Variants in INSL6 observed in about 807,000 individuals in gnomAD.
INSL6 encodes insulin-like peptide INSL6.
Under a neutral mutation model 9.4 loss-of-function variants are expected in INSL6, and 16 were observed. That is an observed-to-expected ratio of 1.70 (90% CI 1.15 to 2.59). INSL6 has a LOEUF of 2.59. INSL6 is among the 30% of genes most tolerant of loss of function. INSL6 has a pLI of 0.00. For synonymous variants in INSL6, 154 were observed against 96.9 expected (o/e 1.59, Z -3.46); for missense variants, 391 against 257.3 (o/e 1.52, Z -3.56).
At chr9:5,143,814 C>G (rs180805465) in intron 2 of INSL6, among the ~76,000 whole-genome samples, 142 of 152,062 alleles carry the variant, frequency 9.3e-4, no homozygotes, top group East Asian at 2.7e-3. Flanking sequence ...CACCCACCCC[C>G]ACACCCTGCT....
chr9:5,068,634 G>A, the INSL6 span, among the ~76,000 whole-genome samples: 2 of 152,318 alleles, frequency 1.3e-5, no homozygotes, highest in African/African-American at 2.4e-5. Flanking sequence ...TGGCTGGAAC[G>A]TAGGTTGTAT....
At chr9:5,112,826 C>T in the INSL6 span, 2 of 558,886 alleles carry the variant, frequency 3.6e-6, no homozygotes, top group African/African-American at 1.9e-5. Context: ...GAGTGAAGCC[C>T]ACAACCCCGC....
chr9:5,133,928 C>T lies in INSL6; in HGVS notation c.377-336G>A, dbSNP rs1021982309. Among the ~76,000 whole-genome samples, 9 of 150,490 alleles carry T rather than the reference C, an allele frequency of 6.0e-5. No homozygotes were observed. The South Asian group carries it at 1.5e-3, about 24-fold the overall frequency. ...TAAAGGAACATGTTCTAACCCAATG[C>T]AAGGAAGCTAAGAACACTGAAAAAA... On this transcript the variant is annotated intron_variant, in intron 2 of 3. Coordinates refer to the INSL6 transcript ENST00000649639.
the INSL6 span, chr9:5,086,241 G>T: frequency 3.5e-6 from 2 of 578,146 alleles, no homozygotes; most frequent in Non-Finnish European, 4.5e-6. Context: ...TGAAAGTCGC[G>T]GTAGGATGGT....
the INSL6 span, among the ~76,000 whole-genome samples, chr9:5,118,795 ATC>A: frequency 1.2e-3 from 186 of 152,280 alleles, 1 homozygote; most frequent in Non-Finnish European, 2.0e-3. Flanking sequence ...ATTAAAAATT[ATC>A]TGTTATTGGG....
chr9:5,113,882 A>G, the INSL6 span: 1 of 211,464 alleles, frequency 4.7e-6, no homozygotes, highest in Admixed American at 5.6e-5. Flanking sequence ...CCCACCGTGA[A>G]GATCTTACAG....
chr9:5,042,075 A>T, the INSL6 span: 1 of 220,428 alleles, frequency 4.5e-6, no homozygotes, highest in Non-Finnish European at 9.0e-6. Flanking sequence ...CGGCGGCCCC[A>T]TCCCCGGGAC....
chr9:5,116,677 A>G, the INSL6 span, among the ~76,000 whole-genome samples: 1 of 152,216 alleles, frequency 6.6e-6, no homozygotes, highest in African/African-American at 2.4e-5. Flanking sequence ...TCCAAATACT[A>G]TACAGGGAGG....
the INSL6 span, chr9:5,086,136 C>T: frequency 1.3e-5 from 5 of 389,150 alleles, no homozygotes; most frequent in East Asian, 2.7e-4. Flanking sequence ...GCGGCCCCGG[C>T]GGCCCCGCAA....
intron 3 of INSL6, chr9:5,126,282 T>C (rs767850998): frequency 1.8e-5 from 24 of 1,321,322 alleles, no homozygotes; most frequent in East Asian, 2.4e-5. Flanking sequence ...TGAGAAAGAA[T>C]TTTGCTACAA....
the INSL6 span, among the ~76,000 whole-genome samples, chr9:5,079,431 C>G: frequency 6.6e-6 from 1 of 151,904 alleles, no homozygotes; most frequent in Non-Finnish European, 1.5e-5. Flanking sequence ...TATATCAATT[C>G]CATATATCTA....
the INSL6 span, among the ~76,000 whole-genome samples, chr9:5,063,393 C>T: frequency 6.6e-6 from 1 of 152,182 alleles, no homozygotes; most frequent in African/African-American, 2.4e-5. Flanking sequence ...ATCACAGCAT[C>T]TTACTTTGTA....
At chr9:5,011,229 C>G in the INSL6 span, among the ~76,000 whole-genome samples, 1 of 146,940 alleles carries the variant, frequency 6.8e-6, no homozygotes, top group South Asian at 2.1e-4. Context: ...GACTTTGTTA[C>G]TCTTGTTGTT....
At chr9:5,143,886 C>T (rs1824550810) in intron 2 of INSL6, among the ~76,000 whole-genome samples, 1 of 152,048 alleles carries the variant, frequency 6.6e-6, no homozygotes, top group Non-Finnish European at 1.5e-5. Context: ...TCTCGAACTC[C>T]TGACCTCAGG....
At chr9:5,140,134 T>C (rs894738763) in intron 2 of INSL6, among the ~76,000 whole-genome samples, 1 of 152,188 alleles carries the variant, frequency 6.6e-6, no homozygotes, top group African/African-American at 2.4e-5. Context: ...ATTTAGGAAA[T>C]ATATTTAATC....
At chr9:5,096,155 C>T in the INSL6 span, among the ~76,000 whole-genome samples, 9 of 152,168 alleles carry the variant, frequency 5.9e-5, no homozygotes, top group East Asian at 5.8e-4. Flanking sequence ...TCCAATAATA[C>T]GAAAATAAAA....
At chr9:5,035,304 G>A in the INSL6 span, among the ~76,000 whole-genome samples, 1 of 152,238 alleles carries the variant, frequency 6.6e-6, no homozygotes, top group South Asian at 2.1e-4. Context: ...TACCAGAGGT[G>A]CAAAGAGGAG....
At chr9:5,184,397 A>C (rs1040605041) in intron 1 of INSL6, among the ~76,000 whole-genome samples, 24 of 152,210 alleles carry the variant, frequency 1.6e-4, no homozygotes, top group African/African-American at 5.3e-4. Flanking sequence ...CTGGGACTAA[A>C]ATGTCTTAGT....
chr9:5,029,396 A>G, the INSL6 span, among the ~76,000 whole-genome samples: 2 of 152,238 alleles, frequency 1.3e-5, no homozygotes, highest in South Asian at 4.1e-4. Context: ...CATAACTGAT[A>G]TAATAATAAA....
Sources: gnomAD v4.1 joint callset for allele counts (sites outside exome capture counted in the v4.1 genomes callset) on GRCh38, gnomAD v4.1.1 for gene constraint, MANE v1.5 for transcripts, NCBI Gene and HGNC (gene_info 2026-07-23, HGNC 2026-07-21) for gene names.